The following DPP6 variants were observed in gnomAD, a reference collection of about 807,000 sequenced individuals.
DPP6 encodes the protein A-type potassium channel modulatory protein DPP6.
DPP6 carries 69 observed loss-of-function variants against 122.6 expected under a neutral mutation model. The ratio of observed to expected loss-of-function variants is 0.56; its 90% confidence interval spans 0.46 to 0.69. The LOEUF (loss-of-function observed/expected upper bound fraction) is 0.69. Among genes scored for constraint, DPP6 ranks in the 30% least tolerant of loss-of-function variants. The pLI is 0.00. For synonymous variants in DPP6, 418 were observed against 433.1 expected, an observed-to-expected ratio of 0.97 and a Z score of 0.43; for missense variants, 928 against 1,116.9, an observed-to-expected ratio of 0.83 and a Z score of 2.41.
chr7:154,441,823 G>C (rs1221569650), intron 1 of DPP6, among the ~76,000 whole-genome samples: 1 of 152,146 alleles, frequency 6.6e-6, no homozygotes, highest in Non-Finnish European at 1.5e-5. Flanking sequence ...ACACACAAAA[G>C]TCAAGCTGTA....
intron 3 of DPP6, among the ~76,000 whole-genome samples, chr7:154,479,990 G>T (rs916832428): frequency 1.3e-5 from 2 of 151,964 alleles, no homozygotes; most frequent in African/African-American, 2.4e-5. Context: ...CAACACTGCC[G>T]CTGGCTCTTC....
chr7:154,281,526 C>G (rs1032855764), intron 1 of DPP6, among the ~76,000 whole-genome samples: 7 of 152,130 alleles, frequency 4.6e-5, no homozygotes, highest in Admixed American at 4.6e-4. Context: ...CTTAACACCA[C>G]CACTGTTTGT....
intron 16 of DPP6, among the ~76,000 whole-genome samples, chr7:154,834,004 T>C (rs1336113945): frequency 6.6e-6 from 1 of 152,014 alleles, no homozygotes; most frequent in Admixed American, 6.5e-5. Flanking sequence ...CACTGCCCAG[T>C]GAGGTCATCA....
intron 4 of DPP6, among the ~76,000 whole-genome samples, chr7:154,548,270 A>T (rs1829358601): frequency 6.8e-6 from 1 of 148,064 alleles, no homozygotes; most frequent in Non-Finnish European, 1.5e-5. Flanking sequence ...TGTCTTTAAA[A>T]TATCTGAAAA....
intron 1 of DPP6, among the ~76,000 whole-genome samples, chr7:153,928,098 C>T (rs1202764021): frequency 2.1e-5 from 3 of 140,632 alleles, no homozygotes; most frequent in Non-Finnish European, 4.7e-5. Context: ...AGATATCATA[C>T]ACTGGGTAGC....
intron 7 of DPP6, among the ~76,000 whole-genome samples, chr7:154,717,657 T>G (rs933226564): frequency 6.6e-6 from 1 of 152,218 alleles, no homozygotes; most frequent in African/African-American, 2.4e-5. Context: ...CGATGGACAC[T>G]TGGGTTGATT....
intron 1 of DPP6, among the ~76,000 whole-genome samples, chr7:154,013,503 TA>T (rs561559008): frequency 9.5e-5 from 14 of 148,068 alleles, no homozygotes; most frequent in Non-Finnish European, 1.3e-4. Flanking sequence ...TTCTAGAAGT[TA>T]AAAAAAAACA....
intron 8 of DPP6, among the ~76,000 whole-genome samples, chr7:154,736,469 C>A (rs1277887188): frequency 6.6e-6 from 1 of 152,164 alleles, no homozygotes; most frequent in Non-Finnish European, 1.5e-5. Flanking sequence ...AAATATTCTT[C>A]TTTTTTACCA....
Position 154,607,986 on chromosome 7 carries a change from C to CT in DPP6, c.628-29824dup, listed in dbSNP as rs1158332977. The stretch of plus-strand genomic sequence containing the variant: ...ATATTTAGTTTTTTCTTTTTTTTTT[C>CT]TTTTTTTTTTTGAGACAGAGTCTCG... On this transcript the variant is annotated intron_variant, in intron 5 of 25. Coordinates refer to ENST00000377770, the MANE Select transcript of DPP6 (RefSeq NM_130797.4). Among the ~76,000 whole-genome samples, 72 of 102,142 alleles carry CT rather than the reference C, an allele frequency of 7.0e-4. 7 individuals carry two copies. Among genetic ancestry groups the CT allele is most frequent in the African/African-American group, 1.1e-3 (35 of 33,238 alleles). The allele number at this position is 102,142 out of a possible 152,430, so 67.0% of individuals were successfully genotyped here.
chr7:154,150,870 G>T (rs1796377401), intron 1 of DPP6, among the ~76,000 whole-genome samples: 1 of 152,296 alleles, frequency 6.6e-6, no homozygotes, highest in Middle Eastern at 3.4e-3. Flanking sequence ...TCACTCACTT[G>T]GGCCTCTTTG....
At chr7:154,409,010 G>C (rs374331413) in intron 1 of DPP6, among the ~76,000 whole-genome samples, 19 of 152,172 alleles carry the variant, frequency 1.2e-4, no homozygotes, top group East Asian at 7.8e-4. Context: ...AGGTGGTAGT[G>C]GTGCATGCCT....
intron 2 of DPP6, among the ~76,000 whole-genome samples, chr7:154,455,832 G>T (rs959990518): frequency 6.6e-6 from 1 of 152,166 alleles, no homozygotes; most frequent in African/African-American, 2.4e-5. Flanking sequence ...GCTGCATTTT[G>T]CATCCTATTT....
intron 1 of DPP6, among the ~76,000 whole-genome samples, chr7:154,174,084 C>T (rs4260819): frequency 0.22 from 34,178 of 152,134 alleles, 3,949 homozygotes; most frequent in East Asian, 0.34. Context: ...GATTTATTTT[C>T]CTTTTCTATT....
chr7:153,960,327 T>C (rs1177397414), intron 1 of DPP6, among the ~76,000 whole-genome samples: 1 of 152,124 alleles, frequency 6.6e-6, no homozygotes, highest in Non-Finnish European at 1.5e-5. Flanking sequence ...TCCAGTTGAC[T>C]TCCTTGTGTA....
At chr7:154,512,697 G>GA (rs1826184376) in intron 3 of DPP6, among the ~76,000 whole-genome samples, 1 of 152,118 alleles carries the variant, frequency 6.6e-6, no homozygotes, top group South Asian at 2.1e-4. Flanking sequence ...GTAATGGGAA[G>GA]GGAGTGAAAT....
At chr7:154,855,823 C>CT (rs1303260993) in intron 17 of DPP6, among the ~76,000 whole-genome samples, 1 of 152,104 alleles carries the variant, frequency 6.6e-6, no homozygotes, top group Admixed American at 6.5e-5. Flanking sequence ...ACTGTGACAT[C>CT]TTTTTTTTCC....
At chr7:154,779,693 G>T (rs551185274) in intron 10 of DPP6, among the ~76,000 whole-genome samples, 1 of 152,252 alleles carries the variant, frequency 6.6e-6, no homozygotes, top group African/African-American at 2.4e-5. Flanking sequence ...TCCTCCCTCA[G>T]GCTGTGGTCC....
chr7:153,926,561 G>C (rs1800910017), intron 1 of DPP6, among the ~76,000 whole-genome samples: 1 of 152,116 alleles, frequency 6.6e-6, no homozygotes, highest in Admixed American at 6.5e-5. Context: ...AGGTGTGATG[G>C]AAGTTGATAG....
chr7:154,545,401 G>A (rs1829091148), intron 4 of DPP6, among the ~76,000 whole-genome samples: 2 of 151,958 alleles, frequency 1.3e-5, no homozygotes, highest in South Asian at 4.2e-4. Flanking sequence ...TATCTTCTGA[G>A]TAGAACACTC....
Sources: gnomAD v4.1 joint callset for allele counts (sites outside exome capture counted in the v4.1 genomes callset) on GRCh38, gnomAD v4.1.1 for gene constraint, MANE v1.5 for transcripts, NCBI Gene and HGNC (gene_info 2026-07-23, HGNC 2026-07-21) for gene names.